LSMEM2: variants seen among roughly 807,000 people sequenced by gnomAD.
The protein encoded by LSMEM2 is leucine rich single-pass membrane protein 2.
In LSMEM2, 20 loss-of-function variants were observed where a neutral mutation model predicts 17.3. The ratio of observed to expected loss-of-function variants is 1.16; its 90% confidence interval spans 0.81 to 1.68. The LOEUF is 1.68. Among genes scored for constraint, LSMEM2 ranks in the 40% most tolerant of loss-of-function variants. LSMEM2 has a pLI of 0.00. For missense variants in LSMEM2, 207 were observed against 214.3 expected (o/e 0.97, Z 0.21); for synonymous variants, 94 against 97.8 (o/e 0.96, Z 0.23).
rs4688738 is a variant in LSMEM2, at chr3:50,280,039, T to C, written c.58+868T>C. ...ACAGGCGCCTGCCACCATGCCTAGC[T>C]AATTTTTGTATTTTTAGTAGAGACG... On this transcript the variant is annotated intron_variant, in intron 1 of 3. Transcript: ENST00000316436. Among the ~76,000 whole-genome samples the C allele has an allele frequency of 0.053, 8,087 of 151,448 alleles. 1,534 individuals carry two copies. The East Asian group carries it at 0.6, about 11-fold the overall frequency.
At chr3:50,283,078 G>A (rs998396135) in intron 1 of LSMEM2, among the ~76,000 whole-genome samples, 7 of 152,092 alleles carry the variant, frequency 4.6e-5, no homozygotes, top group Non-Finnish European at 8.8e-5. Flanking sequence ...CCAGCCACTC[G>A]GGAGGCTAAG....
intron 1 of LSMEM2, among the ~76,000 whole-genome samples, chr3:50,283,980 T>C (rs1195915967): frequency 1.3e-5 from 2 of 151,378 alleles, no homozygotes; most frequent in Non-Finnish European, 2.9e-5. Flanking sequence ...CCAAGGCGGG[T>C]GGATCACTTG....
Position 50,286,880 on chromosome 3 carries a change from G to C in LSMEM2, c.361+18G>C. ...CCTGAGCGGTATGGACGCATAGGGT[G>C]CTAGTAGGAATGGAAAGCAAGGCAG... On this transcript the variant is annotated intron_variant, in intron 3 of 3. Transcript: ENST00000316436. 4 of 1,611,530 alleles carry C rather than the reference G, an allele frequency of 2.5e-6. No individual in the cohort carries two copies. In the South Asian group the frequency reaches 4.4e-5, roughly 18 times the overall value.
Position 50,287,501 on chromosome 3 carries a change from G to A in LSMEM2, c.*299G>A, listed in dbSNP as rs1701578032. The A allele has an allele frequency of 2.2e-6, 1 of 451,242 alleles. No homozygotes were observed. 28.0% of individuals were successfully genotyped at this position (451,242 alleles called of 1,614,324 possible). A position where few individuals can be genotyped will look rare whatever the true frequency, so the allele number is the denominator to read the frequency against. On this transcript the variant is annotated 3_prime_UTR_variant, in exon 4 of 4. Transcript: ENST00000316436. Reference sequence around the variant, plus strand: ...CAACACTCTCTGGCCACCCCAGATGGCAGGTTCTGAAGTCTAGAAATAGCT... The same window carrying A: ...CAACACTCTCTGGCCACCCCAGATGACAGGTTCTGAAGTCTAGAAATAGCT...
chr3:50,282,050 C>T (rs981007074), intron 1 of LSMEM2, among the ~76,000 whole-genome samples: 1 of 151,742 alleles, frequency 6.6e-6, no homozygotes, highest in African/African-American at 2.4e-5. Context: ...GATGGGGTTT[C>T]ACCATGTTGA....
At chr3:50,279,705 T>G (rs1553707527) in intron 1 of LSMEM2, among the ~76,000 whole-genome samples, 1 of 152,074 alleles carries the variant, frequency 6.6e-6, no homozygotes, top group African/African-American at 2.4e-5. Flanking sequence ...CTCACCTAAC[T>G]GCACCACTGC....
At chr3:50,281,360 CT>C (rs1221742314) in intron 1 of LSMEM2, among the ~76,000 whole-genome samples, 14,479 of 103,190 alleles carry the variant, frequency 0.14, 783 homozygotes, top group African/African-American at 0.2. Flanking sequence ...GCGCCCGGCC[CT>C]TTTTTTTTTT....
rs782330988 is a variant in LSMEM2, at chr3:50,286,490, G to A, written c.78G>A (p.Met26Ile). Reference protein sequence around the residue: ...ETQEDSVAPMMPSQRSRGPLA... With the variant: ...ETQEDSVAPMIPSQRSRGPLA... Reference sequence around the variant, plus strand: ...CTGCAGACTCCGTGGCGCCAATGATGCCCAGCCAGAGGAGCAGGGGGCCAT... The same window carrying A: ...CTGCAGACTCCGTGGCGCCAATGATACCCAGCCAGAGGAGCAGGGGGCCAT... The change falls in exon 2 of 4, where the codon ATG becomes ATA. Residue 26 changes from methionine to isoleucine, a missense_variant. By Grantham distance (10) the Met-to-Ile change is conservative (BLOSUM62 1). Coordinates refer to ENST00000316436, the MANE Select transcript of LSMEM2 (RefSeq NM_153215.3). 1 of 1,607,862 alleles carries A rather than the reference G, an allele frequency of 6.2e-7. No individual in the cohort carries two copies. The highest frequency in any genetic ancestry group is 8.5e-7 in the Non-Finnish European group (1 of 1,178,006).
At chr3:50,280,648 C>T (rs1701372165) in intron 1 of LSMEM2, among the ~76,000 whole-genome samples, 2 of 148,168 alleles carry the variant, frequency 1.3e-5, no homozygotes, top group African/African-American at 2.5e-5. Flanking sequence ...GGCTGGAGTG[C>T]AGTGGCGCGA....
At chr3:50,282,177 TG>T (rs1312065016) in intron 1 of LSMEM2, among the ~76,000 whole-genome samples, 3 of 151,706 alleles carry the variant, frequency 2.0e-5, no homozygotes, top group Non-Finnish European at 2.9e-5. Context: ...TTTGTAGAGA[TG>T]GGGTCTCCCT....
intron 1 of LSMEM2, among the ~76,000 whole-genome samples, chr3:50,284,203 CAAA>C (rs1235329401): frequency 2.4e-5 from 1 of 41,336 alleles, no homozygotes. Context: ...AAGACTGTCT[CAAA>C]AAAAAAAAAA....
chr3:50,282,358 T>C (rs1701421662), intron 1 of LSMEM2, among the ~76,000 whole-genome samples: 1 of 152,178 alleles, frequency 6.6e-6, no homozygotes, highest in Non-Finnish European at 1.5e-5. Flanking sequence ...TTGCTTGTTT[T>C]TGTTGTACTT....
intron 1 of LSMEM2, among the ~76,000 whole-genome samples, chr3:50,281,103 T>G (rs1553707710): frequency 6.6e-6 from 1 of 151,870 alleles, no homozygotes; most frequent in African/African-American, 2.4e-5. Context: ...TCGCCCAGGC[T>G]GGAGTGCAGT....
chr3:50,286,560 T>TC lies in LSMEM2; in HGVS notation c.150dup (p.Ile51HisfsTer6). 6.2e-7 allele frequency: 1 copy of TC among 1,612,100 alleles called. No individual in the cohort carries two copies. The highest frequency in any genetic ancestry group is 8.5e-7 in the Non-Finnish European group (1 of 1,179,282). ...TGAGGTATGCCTGCACCAGGTGGAG[T>TC]CCATCAGCGACCTACATAGTGGAGG... On this transcript the variant is annotated frameshift_variant, in exon 2 of 4. Transcript: ENST00000316436. LOFTEE classifies it high-confidence loss of function.
Position 50,287,047 on chromosome 3 carries a change from A to AT in LSMEM2, c.362-21dup, listed in dbSNP as rs782542866. 4.3e-6 allele frequency: 7 copies of AT among 1,613,068 alleles called. No individual in the cohort carries two copies. In the African/African-American group the frequency reaches 6.7e-5, roughly 15 times the overall value. ...TCACGGGGTGGCACATGGTCTGATGATCCCCCACTTCCCATTCACAGTGCT... is the reference window on the plus strand; with the variant it reads ...TCACGGGGTGGCACATGGTCTGATGATTCCCCCACTTCCCATTCACAGTGCT... On this transcript the variant is annotated intron_variant, in intron 3 of 3. Coordinates refer to ENST00000316436, the MANE Select transcript of LSMEM2 (RefSeq NM_153215.3).
At chr3:50,280,740 C>T (rs1701375295) in intron 1 of LSMEM2, among the ~76,000 whole-genome samples, 1 of 151,906 alleles carries the variant, frequency 6.6e-6, no homozygotes, top group Non-Finnish European at 1.5e-5. Context: ...ACTACAGGAG[C>T]CCGCCACTAC....
At position 50,287,803 on chromosome 3, in the gene LSMEM2, A is replaced by C; in HGVS notation, c.*601A>C. On this transcript the variant is annotated 3_prime_UTR_variant, in exon 4 of 4. Transcript: ENST00000316436. ...TCCTTAAAAATCAGCACACAAATCCATTCCAGGTAGCTTTGCCACCCCACC... is the reference window on the plus strand; with the variant it reads ...TCCTTAAAAATCAGCACACAAATCCCTTCCAGGTAGCTTTGCCACCCCACC... The C allele has an allele frequency of 4.0e-6, 1 of 249,904 alleles. No individual in the cohort carries two copies. Among genetic ancestry groups the C allele is most frequent in the Non-Finnish European group, 7.8e-6 (1 of 127,710 alleles). 15.5% of individuals were successfully genotyped at this position (249,904 alleles called of 1,614,324 possible). A position where few individuals can be genotyped will look rare whatever the true frequency, so the allele number is the denominator to read the frequency against.
chr3:50,280,394 ATCC>A, intron 1 of LSMEM2, among the ~76,000 whole-genome samples: 1 of 151,964 alleles, frequency 6.6e-6, no homozygotes, highest in Non-Finnish European at 1.5e-5. Context: ...ACCTCAGGTG[ATCC>A]ACCCACCTTG....
At chr3:50,279,763 G>A (rs1183299057) in intron 1 of LSMEM2, among the ~76,000 whole-genome samples, 1 of 152,128 alleles carries the variant, frequency 6.6e-6, no homozygotes, top group East Asian at 1.9e-4. Flanking sequence ...CAGGAATCTA[G>A]GAAGCTACAG....
Sources: gnomAD v4.1 joint callset for allele counts (sites outside exome capture counted in the v4.1 genomes callset) on GRCh38, gnomAD v4.1.1 for gene constraint, MANE v1.5 for transcripts, NCBI Gene and HGNC (gene_info 2026-07-23, HGNC 2026-07-21) for gene names.